NAALADL2: variants seen among roughly 807,000 people sequenced by gnomAD.
The protein encoded by NAALADL2 is N-acetylated alpha-linked acidic dipeptidase like 2.
A neutral mutation model predicts 87.2 loss-of-function variants in NAALADL2; 76 were observed. The ratio of observed to expected loss-of-function variants is 0.87; its 90% CI spans 0.72 to 1.05. The LOEUF (loss-of-function observed/expected upper bound fraction) is 1.05, where lower values mean the gene tolerates loss of function less well. Ranked by LOEUF, NAALADL2 falls within the 50% of genes least tolerant of loss-of-function variation. The pLI, the probability that NAALADL2 is intolerant of heterozygous loss-of-function variation, is 0.00. For synonymous variants in NAALADL2, 354 were observed against 331.0 expected (o/e 1.07, Z -0.75); for missense variants, 1,089 against 945.8 (o/e 1.15, Z -1.99).
chr3:174,482,227 C>A (rs1717597910), intron 1 of NAALADL2, among the ~76,000 whole-genome samples: 1 of 152,050 alleles, frequency 6.6e-6, no homozygotes, highest in African/African-American at 2.4e-5. Flanking sequence ...TGGTTGGGCC[C>A]CCTAATTCTG....
chr3:174,699,704 G>A (rs1420103840), intron 2 of NAALADL2, among the ~76,000 whole-genome samples: 1 of 151,310 alleles, frequency 6.6e-6, no homozygotes, highest in South Asian at 2.1e-4. Flanking sequence ...TTCCCTTGCT[G>A]GTATAAAATA....
intron 12 of NAALADL2, among the ~76,000 whole-genome samples, chr3:175,749,869 T>A (rs867457246): frequency 3.9e-5 from 6 of 152,192 alleles, no homozygotes; most frequent in Non-Finnish European, 5.9e-5. Flanking sequence ...TTTAAATGGA[T>A]AAGCCATTAT....
At position 175,627,308 on chromosome 3, in the gene NAALADL2, C is replaced by T. The variant is rs759447430; in HGVS notation, c.1818C>T (p.Ser606=). The change falls in exon 11 of 14, where the codon TCC becomes TCT. Residue 606 remains serine (S), a synonymous_variant. Coordinates refer to ENST00000454872, the MANE Select transcript of NAALADL2 (RefSeq NM_207015.3). ...IKTLEGPSFL[S]EARFSTRATK... ...TGCCGCAGGGTCCAAGTTTTCTCTC[C>T]GAGGCCCGTTTTTCTACACGAGCAA... is the stretch of plus-strand genomic sequence containing the variant. The T allele has an allele frequency of 1.5e-5, 24 of 1,566,578 alleles. No homozygotes were observed. The highest frequency in any genetic ancestry group is 2.3e-5 in the East Asian group (1 of 43,208).
chr3:174,660,302 A>G lies in NAALADL2; in HGVS notation c.-114-77339A>G, dbSNP rs150447416. The stretch of plus-strand genomic sequence containing the variant: ...TATCCTTTTCGACTGACAAAATGCA[A>G]TTTTCACTGAATTAGATTAACTTAT... On this transcript the variant is annotated intron_variant, in intron 2 of 3. Transcript: ENST00000434257. Among the ~76,000 whole-genome samples the G allele has an allele frequency of 2.8e-3, 430 of 152,258 alleles. 2 individuals carry two copies. Among genetic ancestry groups the G allele is most frequent in the African/African-American group, 1.0e-2 (415 of 41,550 alleles).
At chr3:175,393,839 C>T (rs1278159336) in intron 5 of NAALADL2, among the ~76,000 whole-genome samples, 1 of 152,180 alleles carries the variant, frequency 6.6e-6, no homozygotes, top group Non-Finnish European at 1.5e-5. Flanking sequence ...GAAAATTGTC[C>T]TAAAAATGTC....
intron 2 of NAALADL2, among the ~76,000 whole-genome samples, chr3:175,142,641 C>G (rs1730169669): frequency 6.6e-6 from 1 of 151,844 alleles, no homozygotes; most frequent in African/African-American, 2.4e-5. Flanking sequence ...CATGATTTCT[C>G]CTAGATTTAT....
chr3:175,028,607 T>C (rs1350956081), intron 1 of NAALADL2, among the ~76,000 whole-genome samples: 1 of 152,048 alleles, frequency 6.6e-6, no homozygotes, highest in African/African-American at 2.4e-5. Context: ...GTGTTTTCCC[T>C]AAGATCTAAA....
rs1168817019 is a variant in NAALADL2, at chr3:175,588,534, C to CTTTTTTTTTTTTTTTTTTTTTTTTTT, written c.1800+12369_1800+12370insTTTTTTTTTTTTTTTTTTTTTTTTTT. Among the ~76,000 whole-genome samples the CTTTTTTTTTTTTTTTTTTTTTTTTTT allele has an allele frequency of 4.1e-4, 32 of 78,142 alleles. 5 individuals carry two copies. Among genetic ancestry groups the CTTTTTTTTTTTTTTTTTTTTTTTTTT allele is most frequent in the African/African-American group, 7.8e-4 (15 of 19,306 alleles). 51.3% of individuals were successfully genotyped at this position (78,142 alleles called of 152,430 possible). The stretch of plus-strand genomic sequence containing the variant: ...TTAGGAGACTTTCTTTCTTTCTTTT[C>CTTTTTTTTTTTTTTTTTTTTTTTTTT]TTTTTTTTTTTTTTTTTTTTTTGAG... On this transcript the variant is annotated intron_variant, in intron 10 of 13. Transcript: ENST00000454872.
intron 11 of NAALADL2, among the ~76,000 whole-genome samples, chr3:175,645,467 T>C (rs1352733886): frequency 6.6e-6 from 1 of 152,132 alleles, no homozygotes; most frequent in Non-Finnish European, 1.5e-5. Flanking sequence ...CAGTGGAATA[T>C]GGCCAAGGCT....
At chr3:175,730,395 GATATAT>G (rs5854656) in intron 11 of NAALADL2, among the ~76,000 whole-genome samples, 6,626 of 55,080 alleles carry the variant, frequency 0.12, 351 homozygotes, top group East Asian at 0.19. Context: ...ACTTAATACA[GATATAT>G]ATATATATAT....
At chr3:174,794,126 T>G (rs2109215696) in intron 3 of NAALADL2, among the ~76,000 whole-genome samples, 1 of 152,230 alleles carries the variant, frequency 6.6e-6, no homozygotes, top group South Asian at 2.1e-4. Flanking sequence ...TTATTTTCTT[T>G]ATTTTCAAAG....
chr3:175,264,104 A>C (rs1038530601), intron 4 of NAALADL2, among the ~76,000 whole-genome samples: 3 of 151,926 alleles, frequency 2.0e-5, no homozygotes, highest in Non-Finnish European at 4.4e-5. Context: ...CTCATTTTAA[A>C]TAGTGAAACA....
intron 10 of NAALADL2, among the ~76,000 whole-genome samples, chr3:175,603,666 T>C (rs1282813428): frequency 6.6e-6 from 1 of 152,218 alleles, no homozygotes. Context: ...TTTTTAAGGT[T>C]GAATAGTATT....
intron 1 of NAALADL2, among the ~76,000 whole-genome samples, chr3:174,992,565 A>G (rs1746880589): frequency 1.3e-5 from 2 of 152,142 alleles, no homozygotes; most frequent in Admixed American, 6.5e-5. Flanking sequence ...AATTTATTTC[A>G]GAGACCTGAT....
At chr3:175,194,305 C>T (rs1022829786) in intron 2 of NAALADL2, among the ~76,000 whole-genome samples, 1 of 151,744 alleles carries the variant, frequency 6.6e-6, no homozygotes, top group African/African-American at 2.4e-5. Context: ...CTTTTTCCTG[C>T]AAGTATTTGA....
chr3:174,468,249 C>T (rs958066622), intron 1 of NAALADL2, among the ~76,000 whole-genome samples: 8 of 152,110 alleles, frequency 5.3e-5, no homozygotes, highest in Non-Finnish European at 8.8e-5. Context: ...ATTCAAATTG[C>T]TTCCTTGAAA....
At chr3:174,968,517 T>A (rs532452015) in intron 1 of NAALADL2, among the ~76,000 whole-genome samples, 11 of 152,218 alleles carry the variant, frequency 7.2e-5, no homozygotes, top group Non-Finnish European at 1.3e-4. Flanking sequence ...TTTTTTTCTA[T>A]CACCCAGGCT....
intron 10 of NAALADL2, among the ~76,000 whole-genome samples, chr3:175,584,402 G>T (rs974319848): frequency 8.2e-6 from 1 of 122,296 alleles, no homozygotes; most frequent in Non-Finnish European, 1.5e-5. Context: ...ACTGGCCAAG[G>T]TCACCCATCT....
chr3:175,755,315 G>A lies in NAALADL2; in HGVS notation c.2086G>A (p.Asp696Asn). Reference sequence around the variant, plus strand: ...GTCTGATGAGATGCGACCTGCTAATGATCCCAAGGAGAGAGCACCCATCCG... The same window carrying A: ...GTCTGATGAGATGCGACCTGCTAATAATCCCAAGGAGAGAGCACCCATCCG... ...FQSDEMRPANDPKERAPIRIR... is the reference protein window; with the variant it reads ...FQSDEMRPANNPKERAPIRIR... The change falls in exon 13 of 14, where the codon GAT becomes AAT. Residue 696 changes from aspartate to asparagine, a missense_variant. Transcript: ENST00000454872. 6.2e-7 allele frequency: 1 copy of A among 1,613,658 alleles called. No individual in the cohort carries two copies. Among genetic ancestry groups the A allele is most frequent in the Non-Finnish European group, 8.5e-7 (1 of 1,179,760 alleles).
Sources: gnomAD v4.1 joint callset for allele counts (sites outside exome capture counted in the v4.1 genomes callset) on GRCh38, gnomAD v4.1.1 for gene constraint, MANE v1.5 for transcripts, NCBI Gene and HGNC (gene_info 2026-07-23, HGNC 2026-07-21) for gene names.